The following MME variants were observed in gnomAD, a reference collection of about 807,000 sequenced individuals.
The protein encoded by MME is membrane metalloendopeptidase.
A neutral mutation model predicts 113.2 loss-of-function variants in MME; 98 were observed. The ratio of observed to expected loss-of-function variants is 0.87; its 90% CI spans 0.74 to 1.02. MME has a LOEUF of 1.02. MME is among the 50% of genes least tolerant of loss of function. MME has a pLI of 0.00. For missense variants in MME, 836 were observed against 896.0 expected (o/e 0.93, Z 0.86); for synonymous variants, 292 against 300.6 (o/e 0.97, Z 0.30).
intron 1 of MME, among the ~76,000 whole-genome samples, chr3:155,043,347 T>C (rs1418883594): frequency 1.3e-5 from 2 of 151,848 alleles, no homozygotes; most frequent in Admixed American, 6.6e-5. Flanking sequence ...TTTTTTTTTT[T>C]TGAGACGGAG....
At chr3:155,086,762 G>C (rs1276550616) in intron 3 of MME, among the ~76,000 whole-genome samples, 1 of 151,962 alleles carries the variant, frequency 6.6e-6, no homozygotes, top group Non-Finnish European at 1.5e-5. Context: ...TAAATAAACT[G>C]TTCCAAATAA....
chr3:155,126,212 A>G (rs1719638111), intron 8 of MME, among the ~76,000 whole-genome samples: 2 of 152,198 alleles, frequency 1.3e-5, no homozygotes, highest in African/African-American at 4.8e-5. Context: ...GCTTTCTGTT[A>G]CAGATTTGAA....
chr3:155,085,247 T>C (rs1463477369), intron 3 of MME, 153 bp downstream of exon 3: 1 of 530,468 alleles, frequency 1.9e-6, no homozygotes, highest in Non-Finnish European at 3.4e-6. Flanking sequence ...TAAAAATATA[T>C]TTAAGTAGTA....
intron 20 of MME, among the ~76,000 whole-genome samples, chr3:155,169,341 A>T (rs1711659449): frequency 6.6e-6 from 1 of 152,170 alleles, no homozygotes; most frequent in Non-Finnish European, 1.5e-5. Flanking sequence ...TACACAGAGG[A>T]CTATTAACAG....
At chr3:155,178,551 T>G (rs765727655) in intron 22 of MME, among the ~76,000 whole-genome samples, 26 of 152,144 alleles carry the variant, frequency 1.7e-4, no homozygotes, top group Non-Finnish European at 7.3e-5. Flanking sequence ...TCATTCAGTA[T>G]GTACTGAGTC....
chr3:155,036,491 T>C (rs1713132518), intron 1 of MME, among the ~76,000 whole-genome samples: 1 of 152,192 alleles, frequency 6.6e-6, no homozygotes, highest in African/African-American at 2.4e-5. Context: ...CTTTAATTGG[T>C]CTCTTCTAGC....
chr3:155,129,922 T>C (rs1410272128), intron 8 of MME, among the ~76,000 whole-genome samples: 1 of 152,206 alleles, frequency 6.6e-6, no homozygotes, highest in Non-Finnish European at 1.5e-5. Flanking sequence ...TCTATATTGA[T>C]TCACTGAGAG....
chr3:155,141,100 ATATCCAT>A (rs1721054264), intron 10 of MME, among the ~76,000 whole-genome samples: 1 of 152,220 alleles, frequency 6.6e-6, no homozygotes, highest in Admixed American at 6.5e-5. Flanking sequence ...AGATGAAGCA[ATATCCAT>A]GGGAAAACCT....
intron 3 of MME, among the ~76,000 whole-genome samples, chr3:155,098,451 G>A (rs1196923716): frequency 6.6e-6 from 1 of 151,958 alleles, no homozygotes; most frequent in East Asian, 1.9e-4. Context: ...AGCTACTCGG[G>A]AGGCTGAGGC....
chr3:155,053,156 T>C (rs1216963663), intron 1 of MME, among the ~76,000 whole-genome samples: 3 of 152,166 alleles, frequency 2.0e-5, no homozygotes, highest in Non-Finnish European at 4.4e-5. Flanking sequence ...CATTTTCCTG[T>C]CTTCTTCCGA....
At chr3:155,062,347 A>G (rs1324235850) in intron 1 of MME, among the ~76,000 whole-genome samples, 4 of 152,046 alleles carry the variant, frequency 2.6e-5, no homozygotes, top group Non-Finnish European at 5.9e-5. Flanking sequence ...TCAAAAACAT[A>G]TTTTTTCAAA....
intron 1 of MME, among the ~76,000 whole-genome samples, chr3:155,030,201 T>A (rs1183215904): frequency 1.3e-5 from 2 of 152,214 alleles, no homozygotes; most frequent in African/African-American, 2.4e-5. Flanking sequence ...TGGTAAATTA[T>A]ATAAACTTTA....
rs755429843 is a variant in MME, at chr3:155,089,621, G to T, written c.196+4527G>T. On this transcript the variant is annotated intron_variant, in intron 3 of 22. Transcript: ENST00000360490. ...TAAACGGTCTCAAGATGTTATCAAT[G>T]CTTCCCTCTTAACGGTAGGCAGGAT... Among the ~76,000 whole-genome samples, 45 of 152,298 alleles carry T rather than the reference G, an allele frequency of 3.0e-4. 1 individual carries two copies. The highest frequency in any genetic ancestry group is 1.8e-3 in the Admixed American group (27 of 15,294).
At chr3:155,089,968 AG>A in intron 3 of MME, 1 of 334,328 alleles carries the variant, frequency 3.0e-6, no homozygotes, top group East Asian at 7.8e-5. Flanking sequence ...TCCAAAAAAA[AG>A]AAAAAGACAA....
intron 8 of MME, among the ~76,000 whole-genome samples, chr3:155,133,663 C>T (rs868387580): frequency 1.4e-3 from 188 of 136,800 alleles, no homozygotes; most frequent in Non-Finnish European, 2.6e-3. Flanking sequence ...ATACACACAC[C>T]ATATATATAT....
chr3:155,044,395 A>T (rs1029965811), intron 1 of MME, among the ~76,000 whole-genome samples: 2 of 152,074 alleles, frequency 1.3e-5, no homozygotes, highest in African/African-American at 4.8e-5. Context: ...GGCCTCCCAG[A>T]GTACTGGGAG....
rs1389003513 is a variant in MME at position 155,124,152 on chromosome 3, G to A, written c.720+5341G>A. 4.9e-4 allele frequency among the ~76,000 whole-genome samples: 73 copies of A among 149,692 alleles called. No homozygotes were observed. The South Asian group carries it at 7.6e-3, about 15-fold the overall frequency. Reference sequence around the variant, plus strand: ...CGTTTTTCTCTAAACTTCCCTTCTCGCTTCATTTCATTCATTTCATCTTCC... The same window carrying A: ...CGTTTTTCTCTAAACTTCCCTTCTCACTTCATTTCATTCATTTCATCTTCC... On this transcript the variant is annotated intron_variant, in intron 8 of 22. Coordinates refer to ENST00000360490, the MANE Select transcript of MME (RefSeq NM_007289.4).
intron 3 of MME, among the ~76,000 whole-genome samples, chr3:155,092,365 C>T (rs185747808): frequency 1.3e-5 from 2 of 152,332 alleles, no homozygotes; most frequent in African/African-American, 4.8e-5. Flanking sequence ...ACTGAACCAT[C>T]ATACATTAAT....
chr3:155,059,737 G>A (rs1159237096), intron 1 of MME, among the ~76,000 whole-genome samples: 3 of 151,904 alleles, frequency 2.0e-5, no homozygotes, highest in African/African-American at 7.3e-5. Context: ...TGAAAGTAGG[G>A]TTTACTCAAG....
Sources: gnomAD v4.1 joint callset for allele counts (sites outside exome capture counted in the v4.1 genomes callset) on GRCh38, gnomAD v4.1.1 for gene constraint, MANE v1.5 for transcripts, NCBI Gene and HGNC (gene_info 2026-07-23, HGNC 2026-07-21) for gene names.